Variants in OXSR1 observed in about 807,000 individuals in gnomAD.
The protein encoded by OXSR1 is oxidative stress responsive kinase 1.
In OXSR1, 24 loss-of-function variants were observed where a neutral mutation model predicts 79.8. The ratio of observed to expected loss-of-function variants is 0.30; its 90% CI spans 0.22 to 0.42. The LOEUF (loss-of-function observed/expected upper bound fraction) is 0.42, where lower values mean the gene tolerates loss of function less well. Ranked by LOEUF, OXSR1 falls within the 10% of genes least tolerant of loss-of-function variation. The pLI is 1.00. For synonymous variants in OXSR1, 226 were observed against 209.2 expected (o/e 1.08, Z -0.69); for missense variants, 430 against 618.4 (o/e 0.70, Z 3.23).
At chr3:38,208,907 A>C (rs1702321888) in intron 4 of OXSR1, among the ~76,000 whole-genome samples, 1 of 152,176 alleles carries the variant, frequency 6.6e-6, no homozygotes. Context: ...ATCTCAAAAA[A>C]TAAAAATAAA....
chr3:38,249,834 T>C (rs556549889), intron 14 of OXSR1, 132 bp from the exon 15 acceptor site: 22 of 659,668 alleles, frequency 3.3e-5, no homozygotes, highest in African/African-American at 3.3e-4. Context: ...TGTGAACATA[T>C]CTGAATACAT....
intron 11 of OXSR1, among the ~76,000 whole-genome samples, chr3:38,240,942 G>A (rs1467746789): frequency 6.6e-6 from 1 of 152,056 alleles, no homozygotes; most frequent in Non-Finnish European, 1.5e-5. Flanking sequence ...GACGAGTGTT[G>A]GAGATGGAAA....
At chr3:38,235,645 C>T (rs1702903675) in intron 10 of OXSR1, among the ~76,000 whole-genome samples, 1 of 152,178 alleles carries the variant, frequency 6.6e-6, no homozygotes, top group Non-Finnish European at 1.5e-5. Context: ...ACTCTGTAGT[C>T]TTCCAGGGAG....
At chr3:38,170,388 T>C (rs966595305) in intron 1 of OXSR1, among the ~76,000 whole-genome samples, 2 of 152,204 alleles carry the variant, frequency 1.3e-5, no homozygotes, top group Non-Finnish European at 2.9e-5. Context: ...ACAAAAGTTT[T>C]GAATTTTGAT....
intron 11 of OXSR1, among the ~76,000 whole-genome samples, chr3:38,240,333 A>G (rs1380343288): frequency 6.6e-6 from 1 of 152,302 alleles, no homozygotes; most frequent in South Asian, 2.1e-4. Context: ...GATTCTCACT[A>G]TAGAAGAAGA....
intron 10 of OXSR1, among the ~76,000 whole-genome samples, chr3:38,234,863 T>A (rs911327395): frequency 2.4e-4 from 37 of 152,248 alleles, no homozygotes; most frequent in African/African-American, 7.7e-4. Flanking sequence ...ATTAGATTTA[T>A]AAAATGTGGT....
intron 1 of OXSR1, among the ~76,000 whole-genome samples, chr3:38,167,441 T>C (rs1003491307): frequency 4.6e-5 from 7 of 152,378 alleles, no homozygotes; most frequent in Non-Finnish European, 8.8e-5. Context: ...TTATCTGCTT[T>C]GCCAGCATCC....
intron 11 of OXSR1, 77 bp downstream of exon 11, chr3:38,237,038 G>T (rs972716600): frequency 1.5e-6 from 2 of 1,290,426 alleles, no homozygotes; most frequent in Admixed American, 2.3e-5. Context: ...AAAATATAAA[G>T]AATACAATTG....
intron 8 of OXSR1, among the ~76,000 whole-genome samples, chr3:38,228,393 A>G (rs1170476135): frequency 1.3e-5 from 2 of 152,238 alleles, no homozygotes; most frequent in Non-Finnish European, 2.9e-5. Context: ...GTAGGATTTC[A>G]GTTTGCATAG....
intron 2 of OXSR1, among the ~76,000 whole-genome samples, chr3:38,185,559 T>A (rs1462673458): frequency 6.6e-6 from 1 of 152,098 alleles, no homozygotes; most frequent in Non-Finnish European, 1.5e-5. Context: ...GCACTCCAGC[T>A]TGGGTGACAG....
rs779949589 is a variant in OXSR1, at chr3:38,183,123, C to T, written c.183+8C>T. On this transcript the variant is annotated splice_region_variant and intron_variant, in intron 2 of 17. Coordinates refer to ENST00000311806, the MANE Select transcript of OXSR1 (RefSeq NM_005109.3). The stretch of plus-strand genomic sequence containing the variant: ...AGCATGGATGAACTCCTGGTATGCA[C>T]ATCTTATACTTCTGAAATGGAGAGA... The T allele has an allele frequency of 1.1e-5, 16 of 1,421,874 alleles. No individual in the cohort carries two copies. The highest frequency in any genetic ancestry group is 1.6e-5 in the Non-Finnish European group (16 of 1,009,162). 88.1% of individuals were successfully genotyped at this position (1,421,874 alleles called of 1,614,324 possible). A position where few individuals can be genotyped will look rare whatever the true frequency, so the allele number is the denominator to read the frequency against.
At chr3:38,212,927 T>G (rs952137214) in intron 4 of OXSR1, among the ~76,000 whole-genome samples, 4 of 152,186 alleles carry the variant, frequency 2.6e-5, no homozygotes, top group Non-Finnish European at 5.9e-5. Context: ...GGGCAGACTG[T>G]GGTGTTTTTT....
chr3:38,221,542 G>T (rs1417524554), intron 5 of OXSR1, 36 bp from the exon 6 acceptor site: 1 of 1,067,050 alleles, frequency 9.4e-7, no homozygotes, highest in East Asian at 2.4e-5. Context: ...GATAGTTGAT[G>T]CACTTTAAAT....
Position 38,198,791 on chromosome 3 carries a change from C to T in OXSR1, c.362C>T (p.Ser121Phe). 1 of 1,612,624 alleles carries T rather than the reference C, an allele frequency of 6.2e-7. No individual in the cohort carries two copies. Among genetic ancestry groups the T allele is most frequent in the African/African-American group, 1.3e-5 (1 of 74,990 alleles). ...CACAAAAGTGGAGTCCTAGATGAATCTACCATTGCTACGATACTCCGAGAA... is the reference window on the plus strand; with the variant it reads ...CACAAAAGTGGAGTCCTAGATGAATTTACCATTGCTACGATACTCCGAGAA... ...GEHKSGVLDESTIATILREVL... is the reference protein window; with the variant it reads ...GEHKSGVLDEFTIATILREVL... The change falls in exon 4 of 18, where the codon TCT (serine) becomes TTT (phenylalanine). Residue 121 changes from serine to phenylalanine, a missense_variant. Physicochemically the swap from Ser to Phe is radical, Grantham distance 155 (BLOSUM62 -2). This residue lies in a region of OXSR1 where 145 missense variants were observed against 228.3 expected (regional missense o/e 0.64). Transcript: ENST00000311806.
At chr3:38,198,614 G>T in intron 3 of OXSR1, 108 bp from the exon 4 acceptor site, 1 of 713,692 alleles carries the variant, frequency 1.4e-6, no homozygotes, top group Non-Finnish European at 2.2e-6. Context: ...TTTCATTTCT[G>T]CACAGTTAAG....
chr3:38,179,260 G>A (rs1333510046), intron 1 of OXSR1, among the ~76,000 whole-genome samples: 1 of 151,976 alleles, frequency 6.6e-6, no homozygotes, highest in Admixed American at 6.6e-5. Context: ...GAACTCTTGG[G>A]CTCAAGCGAT....
intron 11 of OXSR1, among the ~76,000 whole-genome samples, chr3:38,241,992 G>A (rs1049658999): frequency 1.3e-5 from 2 of 151,032 alleles, no homozygotes; most frequent in African/African-American, 2.4e-5. Flanking sequence ...ATTGTTATTC[G>A]TTTAGAGGTA....
chr3:38,243,866 G>A (rs980792247), intron 12 of OXSR1, among the ~76,000 whole-genome samples: 1 of 152,140 alleles, frequency 6.6e-6, no homozygotes, highest in African/African-American at 2.4e-5. Flanking sequence ...GCGTTTTCCT[G>A]CCCCTTGAAA....
At chr3:38,214,565 A>G (rs762446448) in intron 4 of OXSR1, among the ~76,000 whole-genome samples, 5 of 152,184 alleles carry the variant, frequency 3.3e-5, no homozygotes, top group Non-Finnish European at 5.9e-5. Flanking sequence ...ACTCAGTTGG[A>G]TGATCTTTGT....
Sources: allele counts gnomAD v4.1 joint callset (sites outside exome capture counted in the v4.1 genomes callset), GRCh38; gene constraint gnomAD v4.1.1; regional missense constraint gnomAD v4.1.1; transcripts MANE v1.5; gene names NCBI Gene and HGNC (gene_info 2026-07-23, HGNC 2026-07-21).